The following LGSN variants were observed in gnomAD, a reference collection of about 807,000 sequenced individuals.
LGSN encodes lengsin.
A neutral mutation model predicts 19.5 loss-of-function variants in LGSN; 21 were observed. That is an observed-to-expected ratio of 1.07 (90% CI 0.76 to 1.55). The LOEUF is 1.55. Ranked by LOEUF, LGSN falls within the 40% of genes most tolerant of loss-of-function variation. The pLI is 0.00. For synonymous variants in LGSN, 257 were observed against 215.6 expected (o/e 1.19, Z -1.68); for missense variants, 673 against 608.5 (o/e 1.11, Z -1.12).
the LGSN span, among the ~76,000 whole-genome samples, chr6:63,383,711 A>G: frequency 6.6e-6 from 1 of 152,106 alleles, no homozygotes; most frequent in Admixed American, 6.6e-5. Flanking sequence ...TCTAATATCC[A>G]TGTATTACCT....
At chr6:63,427,228 G>A in the LGSN span, among the ~76,000 whole-genome samples, 1 of 151,928 alleles carries the variant, frequency 6.6e-6, no homozygotes, top group Non-Finnish European at 1.5e-5. Context: ...ATTTTTAGTA[G>A]AGATGGGGTT....
chr6:63,482,811 C>T, the LGSN span, among the ~76,000 whole-genome samples: 1 of 152,146 alleles, frequency 6.6e-6, no homozygotes, highest in Non-Finnish European at 1.5e-5. Flanking sequence ...AGCGACTCTC[C>T]TGCCTTAGCC....
At chr6:63,334,652 A>C in the LGSN span, among the ~76,000 whole-genome samples, 3 of 152,200 alleles carry the variant, frequency 2.0e-5, no homozygotes, top group Admixed American at 2.0e-4. Flanking sequence ...AAATAGCCAA[A>C]GTAATTCTTA....
the LGSN span, among the ~76,000 whole-genome samples, chr6:63,338,949 T>G: frequency 6.6e-6 from 1 of 152,198 alleles, no homozygotes; most frequent in East Asian, 1.9e-4. Flanking sequence ...AAGCATGGTG[T>G]TTAATTTCCA....
the LGSN span, among the ~76,000 whole-genome samples, chr6:63,538,895 A>T: frequency 6.6e-6 from 1 of 151,864 alleles, no homozygotes. Context: ...TTATTTATTT[A>T]TTTATTTTTA....
At chr6:63,365,496 T>C in the LGSN span, among the ~76,000 whole-genome samples, 1 of 152,198 alleles carries the variant, frequency 6.6e-6, no homozygotes, top group Non-Finnish European at 1.5e-5. Context: ...ACAGACGAAT[T>C]CTACCAGAGG....
At chr6:63,440,191 C>T in the LGSN span, among the ~76,000 whole-genome samples, 6 of 152,164 alleles carry the variant, frequency 3.9e-5, no homozygotes, top group Non-Finnish European at 8.8e-5. Context: ...TGCCTTCAAG[C>T]CTAAAACCAG....
At chr6:63,552,306 T>G in the LGSN span, among the ~76,000 whole-genome samples, 1 of 152,248 alleles carries the variant, frequency 6.6e-6, no homozygotes, top group Non-Finnish European at 1.5e-5. Context: ...TTTTTTCATG[T>G]GTTTTTTTGG....
the LGSN span, among the ~76,000 whole-genome samples, chr6:63,544,063 G>A: frequency 1.3e-5 from 2 of 152,058 alleles, no homozygotes; most frequent in Admixed American, 1.3e-4. Context: ...TTCATGTAGA[G>A]GAGTTTCCTT....
At chr6:63,464,475 AC>A in the LGSN span, among the ~76,000 whole-genome samples, 21 of 151,648 alleles carry the variant, frequency 1.4e-4, no homozygotes, top group African/African-American at 5.1e-4. Context: ...CAGTACAGAG[AC>A]AAACCAAATA....
chr6:63,563,753 C>T, the LGSN span, among the ~76,000 whole-genome samples: 1 of 151,944 alleles, frequency 6.6e-6, no homozygotes, highest in South Asian at 2.1e-4. Flanking sequence ...AGGTGAAAAC[C>T]CCAAGGAAAG....
chr6:63,400,731 C>T, the LGSN span, among the ~76,000 whole-genome samples: 6 of 152,196 alleles, frequency 3.9e-5, no homozygotes, highest in South Asian at 2.1e-4. Flanking sequence ...TGGTGGCTTA[C>T]GCCTGTAATC....
At chr6:63,491,322 G>A in the LGSN span, among the ~76,000 whole-genome samples, 2 of 152,134 alleles carry the variant, frequency 1.3e-5, no homozygotes, top group Non-Finnish European at 2.9e-5. Context: ...GCCAAAATTG[G>A]CATTAATCAC....
chr6:63,449,882 C>T, the LGSN span, among the ~76,000 whole-genome samples: 1 of 152,070 alleles, frequency 6.6e-6, no homozygotes, highest in South Asian at 2.1e-4. Flanking sequence ...AAATAATGAG[C>T]TGTCACATAA....
chr6:63,412,718 G>GGAAAGAAAGAAAGAAA, the LGSN span, among the ~76,000 whole-genome samples: 30 of 54,800 alleles, frequency 5.5e-4, no homozygotes, highest in Middle Eastern at 9.8e-3. Context: ...AGGGAAGGAA[G>GGAAAGAAAGAAAGAAA]GAAAGAAAGA....
the LGSN span, among the ~76,000 whole-genome samples, chr6:63,493,219 G>A: frequency 2.6e-5 from 4 of 152,084 alleles, no homozygotes; most frequent in African/African-American, 9.7e-5. Context: ...AAAGACCCCG[G>A]GTTGGTTTAA....
the LGSN span, among the ~76,000 whole-genome samples, chr6:63,405,426 T>C: frequency 6.6e-6 from 1 of 152,154 alleles, no homozygotes; most frequent in African/African-American, 2.4e-5. Flanking sequence ...GCACCAACAG[T>C]GTAAAAGTGT....
chr6:63,486,436 C>A, the LGSN span, among the ~76,000 whole-genome samples: 2 of 152,290 alleles, frequency 1.3e-5, no homozygotes, highest in South Asian at 2.1e-4. Flanking sequence ...AGTAGGGAGA[C>A]AATGAGCCCA....
chr6:63,402,623 T>C, the LGSN span, among the ~76,000 whole-genome samples: 2 of 152,106 alleles, frequency 1.3e-5, no homozygotes, highest in African/African-American at 4.8e-5. Flanking sequence ...TTGGAACAGA[T>C]ATATAATTGG....
Sources: gnomAD v4.1 joint callset for allele counts (sites outside exome capture counted in the v4.1 genomes callset) on GRCh38, gnomAD v4.1.1 for gene constraint, MANE v1.5 for transcripts, NCBI Gene and HGNC (gene_info 2026-07-23, HGNC 2026-07-21) for gene names.